The following IL1RAPL1 variants were observed in gnomAD, a reference collection of about 807,000 sequenced individuals.
IL1RAPL1 encodes the protein interleukin 1 receptor accessory protein like 1.
IL1RAPL1 carries 3 observed loss-of-function variants against 48.4 expected under a neutral mutation model. The ratio of observed to expected loss-of-function variants is 0.06; its 90% CI spans 0.03 to 0.16. The LOEUF (loss-of-function observed/expected upper bound fraction) is 0.16, where lower values mean the gene tolerates loss of function less well. Among genes scored for constraint, IL1RAPL1 ranks in the 10% least tolerant of loss-of-function variants. IL1RAPL1 has a pLI of 1.00. For synonymous variants in IL1RAPL1, 185 were observed against 187.7 expected, an observed-to-expected ratio of 0.99 and a Z score of 0.12; for missense variants, 349 against 530.6, an observed-to-expected ratio of 0.66 and a Z score of 3.36.
At position 29,366,553 on chromosome X, in the gene IL1RAPL1, A is replaced by ATTTTTTTT. The variant is rs34164964; in HGVS notation, c.363-29679_363-29672dup. Among the ~76,000 whole-genome samples, 5 of 37,259 alleles carry ATTTTTTTT rather than the reference A, an allele frequency of 1.3e-4. 1 individual carries two copies. Among genetic ancestry groups the ATTTTTTTT allele is most frequent in the African/African-American group, 3.8e-4 (3 of 7,916 alleles). The allele number at this position is 37,259 out of a possible 115,157, so 32.4% of individuals were successfully genotyped here. A position where few individuals can be genotyped will look rare whatever the true frequency, so the allele number is the denominator to read the frequency against. On this transcript the variant is annotated intron_variant, in intron 3 of 10. Transcript: ENST00000378993. Reference sequence around the variant, plus strand: ...GTTTTCTGATATTTTTGATAGGTCAATTTTTTTTTTTTTTTTTTTTTTTTT... The same window carrying ATTTTTTTT: ...GTTTTCTGATATTTTTGATAGGTCAATTTTTTTTTTTTTTTTTTTTTTTTTTTTTTTTT...
At chrX:29,458,251 C>T (rs1934762171) in intron 5 of IL1RAPL1, among the ~76,000 whole-genome samples, 1 of 112,432 alleles carries the variant, frequency 8.9e-6, no homozygotes. Flanking sequence ...ATAGTTTCTT[C>T]TGCTGTGCAG....
intron 5 of IL1RAPL1, among the ~76,000 whole-genome samples, chrX:29,557,462 C>G (rs980024278): frequency 1.3e-4 from 15 of 111,876 alleles, no homozygotes; most frequent in African/African-American, 3.2e-4. Flanking sequence ...GAAGTGATTG[C>G]CATAATCAAG....
intron 5 of IL1RAPL1, among the ~76,000 whole-genome samples, chrX:29,491,716 A>G (rs1326886907): frequency 9.0e-6 from 1 of 111,526 alleles, no homozygotes; most frequent in Non-Finnish European, 1.9e-5. Flanking sequence ...TTAGATTGTA[A>G]TCACTTATTG....
chrX:28,915,843 A>G (rs972325452), intron 2 of IL1RAPL1, among the ~76,000 whole-genome samples: 5 of 111,141 alleles, frequency 4.5e-5, no homozygotes, highest in African/African-American at 1.6e-4. Context: ...TGGCCAACAT[A>G]TTCATTTTTT....
intron 5 of IL1RAPL1, among the ~76,000 whole-genome samples, chrX:29,518,938 G>T (rs1321962736): frequency 8.9e-6 from 1 of 112,157 alleles, no homozygotes; most frequent in Non-Finnish European, 1.9e-5. Context: ...TATAGCAGGT[G>T]AGATGGTGAG....
At chrX:29,803,407 GTATATGTGTATATGTGTATATATGTA>G (rs945674880) in intron 6 of IL1RAPL1, among the ~76,000 whole-genome samples, 2 of 81,055 alleles carry the variant, frequency 2.5e-5, no homozygotes, top group Non-Finnish European at 4.5e-5. Flanking sequence ...GTATATATGT[GTATATGTGTATATGTGTATATATGTA>G]TACATCTATG....
chrX:29,423,309 A>C (rs900371632), intron 5 of IL1RAPL1, among the ~76,000 whole-genome samples: 2 of 111,926 alleles, frequency 1.8e-5, no homozygotes, highest in Non-Finnish European at 3.8e-5. Flanking sequence ...TTATCGATTT[A>C]TGTCTTTTGT....
At chrX:29,495,053 A>G (rs1326173493) in intron 5 of IL1RAPL1, among the ~76,000 whole-genome samples, 2 of 112,082 alleles carry the variant, frequency 1.8e-5, no homozygotes, top group East Asian at 5.6e-4. Flanking sequence ...TGCAAAACAT[A>G]AACACTATTC....
chrX:29,564,376 T>G (rs1922333024), intron 5 of IL1RAPL1, among the ~76,000 whole-genome samples: 1 of 112,683 alleles, frequency 8.9e-6, no homozygotes, highest in Admixed American at 9.4e-5. Context: ...AAACTTTTTC[T>G]ATGGCTCTGA....
chrX:29,271,098 AGT>A (rs940191227), intron 2 of IL1RAPL1, among the ~76,000 whole-genome samples: 5 of 111,688 alleles, frequency 4.5e-5, no homozygotes, highest in African/African-American at 1.6e-4. Context: ...CCACTTTATA[AGT>A]GAGAACAGGC....
chrX:29,456,022 G>A (rs992046619), intron 5 of IL1RAPL1, among the ~76,000 whole-genome samples: 4 of 108,751 alleles, frequency 3.7e-5, no homozygotes, highest in Non-Finnish European at 3.8e-5. Context: ...GAGGATCATC[G>A]AAAACAAACA....
At chrX:29,223,793 T>C (rs920339352) in intron 2 of IL1RAPL1, among the ~76,000 whole-genome samples, 1 of 110,781 alleles carries the variant, frequency 9.0e-6, no homozygotes, top group Non-Finnish European at 1.9e-5. Flanking sequence ...TCCACCCGCC[T>C]CGTCCTCCCA....
chrX:29,385,850 G>A (rs1933769220), intron 3 of IL1RAPL1, among the ~76,000 whole-genome samples: 2 of 111,598 alleles, frequency 1.8e-5, no homozygotes, highest in Admixed American at 1.9e-4. Context: ...ATTATTTTGT[G>A]TGAATACCTA....
At chrX:29,023,182 G>A (rs190450873) in intron 2 of IL1RAPL1, among the ~76,000 whole-genome samples, 1 of 112,583 alleles carries the variant, frequency 8.9e-6, no homozygotes, top group Admixed American at 9.4e-5. Context: ...TCATTAATCT[G>A]CAAGTGAGGA....
intron 2 of IL1RAPL1, among the ~76,000 whole-genome samples, chrX:29,061,329 C>T (rs1023627764): frequency 4.5e-5 from 5 of 111,684 alleles, no homozygotes; most frequent in African/African-American, 1.3e-4. Context: ...TGAACAGATG[C>T]AGGGTGTGAT....
At chrX:29,108,599 C>G (rs936818480) in intron 2 of IL1RAPL1, among the ~76,000 whole-genome samples, 14 of 110,367 alleles carry the variant, frequency 1.3e-4, no homozygotes, top group African/African-American at 4.6e-4. Flanking sequence ...TGGGGTTTCT[C>G]CATGTTGGTC....
At chrX:29,809,776 C>CT (rs200768948) in intron 6 of IL1RAPL1, among the ~76,000 whole-genome samples, 3,839 of 94,723 alleles carry the variant, frequency 0.041, 180 homozygotes, top group African/African-American at 0.13. Flanking sequence ...AAGTCGTTAA[C>CT]TTTTTTTTTT....
chrX:28,640,415 G>A (rs1934520330), intron 1 of IL1RAPL1, among the ~76,000 whole-genome samples: 1 of 110,233 alleles, frequency 9.1e-6, no homozygotes, highest in Non-Finnish European at 1.9e-5. Context: ...GTGTCATCTC[G>A]GCTCATTGCA....
At chrX:29,297,234 T>G (rs2147608814) in intron 3 of IL1RAPL1, among the ~76,000 whole-genome samples, 1 of 112,529 alleles carries the variant, frequency 8.9e-6, no homozygotes, top group African/African-American at 3.2e-5. Flanking sequence ...CAGGTTGGAT[T>G]AGTTAGGCTT....
Sources: allele counts gnomAD v4.1 joint callset (sites outside exome capture counted in the v4.1 genomes callset), GRCh38; gene constraint gnomAD v4.1.1; transcripts MANE v1.5; gene names NCBI Gene and HGNC (gene_info 2026-07-23, HGNC 2026-07-21).